RAD54L2: variants seen among roughly 807,000 people sequenced by gnomAD.
RAD54L2 encodes the protein RAD54 like 2.
RAD54L2 carries 27 observed loss-of-function variants against 138.4 expected under a neutral mutation model. The ratio of observed to expected loss-of-function variants is 0.20; its 90% CI spans 0.14 to 0.27. The LOEUF is 0.27. Ranked by LOEUF, RAD54L2 falls within the 10% of genes least tolerant of loss-of-function variation. The pLI is 1.00. For synonymous variants in RAD54L2, 644 were observed against 723.2 expected (o/e 0.89, Z 1.76); for missense variants, 1,396 against 1,890.2 (o/e 0.74, Z 4.85).
intron 15 of RAD54L2, among the ~76,000 whole-genome samples, chr3:51,642,183 G>A (rs1256083740): frequency 6.6e-6 from 1 of 152,188 alleles, no homozygotes. Flanking sequence ...TGGTGAGGAT[G>A]ATTAGCTAAG....
At position 51,630,802 on chromosome 3, in the gene RAD54L2, C is replaced by T. The variant is rs762925851; in HGVS notation, c.696C>T (p.Gly232=). The T allele has an allele frequency of 1.9e-6, 3 of 1,613,984 alleles. No homozygotes were observed. The South Asian group carries it at 3.3e-5, about 18-fold the overall frequency. ...SEDDEEEEKG[G]THVNDVLNQR... ...ATGATGAGGAAGAAGAGAAGGGTGGCACCCATGTCAATGATGTCTTAAACC... is the reference window on the plus strand; with the variant it reads ...ATGATGAGGAAGAAGAGAAGGGTGGTACCCATGTCAATGATGTCTTAAACC... Residue 232 remains glycine, a synonymous_variant, in exon 7 of 23, where the codon GGC becomes GGT. Transcript: ENST00000684192.
At chr3:51,553,496 G>C (rs938758265) in intron 2 of RAD54L2, among the ~76,000 whole-genome samples, 1 of 152,194 alleles carries the variant, frequency 6.6e-6, no homozygotes, top group Non-Finnish European at 1.5e-5. Context: ...AATAAAGCCT[G>C]TCACACACAT....
intron 3 of RAD54L2, among the ~76,000 whole-genome samples, chr3:51,615,119 T>TG (rs1700415248): frequency 6.6e-6 from 1 of 152,184 alleles, no homozygotes; most frequent in Non-Finnish European, 1.5e-5. Flanking sequence ...GTTAAAGCGA[T>TG]TCTCCTGTCT....
intron 2 of RAD54L2, among the ~76,000 whole-genome samples, chr3:51,585,211 T>A (rs1699686068): frequency 1.3e-5 from 2 of 152,206 alleles, no homozygotes; most frequent in Non-Finnish European, 2.9e-5. Flanking sequence ...TCATTTGCGC[T>A]TGCTGTGGAC....
intron 2 of RAD54L2, among the ~76,000 whole-genome samples, chr3:51,566,069 A>G (rs985854222): frequency 2.0e-5 from 3 of 148,180 alleles, no homozygotes; most frequent in Admixed American, 2.0e-4. Flanking sequence ...ACCTCGTGAT[A>G]TGCCCGCCTC....
rs1244516558 is a variant in RAD54L2, at chr3:51,548,492, T to G, written c.-55+6842T>G. ...CATGAGCCACCACGCCCAGCCAACA[T>G]TTTCATATATATATTTACTTCATCC... On this transcript the variant is annotated intron_variant, in intron 2 of 22. Coordinates refer to ENST00000684192, the MANE Select transcript of RAD54L2 (RefSeq NM_015106.4). Among the ~76,000 whole-genome samples the G allele has an allele frequency of 3.3e-5, 5 of 151,996 alleles. No individual in the cohort carries two copies. The East Asian group carries it at 9.7e-4, about 29-fold the overall frequency.
At chr3:51,644,725 A>G (rs1701230406) in intron 16 of RAD54L2, among the ~76,000 whole-genome samples, 1 of 152,228 alleles carries the variant, frequency 6.6e-6, no homozygotes, top group Non-Finnish European at 1.5e-5. Flanking sequence ...ATCTGTGTGC[A>G]GAAGTTTCCC....
At chr3:51,612,294 A>G (rs1232836711) in intron 3 of RAD54L2, among the ~76,000 whole-genome samples, 1 of 152,054 alleles carries the variant, frequency 6.6e-6, no homozygotes, top group Non-Finnish European at 1.5e-5. Flanking sequence ...GCAAAACCCC[A>G]TCTTTACTAA....
intron 2 of RAD54L2, among the ~76,000 whole-genome samples, chr3:51,549,794 A>AG (rs1553673192): frequency 3.3e-5 from 5 of 151,276 alleles, no homozygotes; most frequent in African/African-American, 9.7e-5. Flanking sequence ...AAAAAAAAAA[A>AG]AGGGGGTGGG....
intron 3 of RAD54L2, among the ~76,000 whole-genome samples, chr3:51,616,008 A>G (rs913077503): frequency 2.0e-5 from 3 of 152,068 alleles, no homozygotes; most frequent in Non-Finnish European, 2.9e-5. Context: ...TTTAAAATTG[A>G]TGCATAATAT....
At chr3:51,584,219 G>A (rs1438732246) in intron 2 of RAD54L2, among the ~76,000 whole-genome samples, 1 of 152,114 alleles carries the variant, frequency 6.6e-6, no homozygotes, top group African/African-American at 2.4e-5. Flanking sequence ...AGGCTACATT[G>A]TGCTATCTTT....
intron 3 of RAD54L2, among the ~76,000 whole-genome samples, chr3:51,608,059 C>T (rs1419222642): frequency 6.6e-6 from 1 of 151,608 alleles, no homozygotes; most frequent in Admixed American, 6.6e-5. Flanking sequence ...AGGGGCTCCT[C>T]ACTTCCCAGA....
chr3:51,615,397 G>A (rs1700422857), intron 3 of RAD54L2, among the ~76,000 whole-genome samples: 1 of 152,188 alleles, frequency 6.6e-6, no homozygotes, highest in South Asian at 2.1e-4. Context: ...GGTCCACAGA[G>A]AATATCTACG....
At chr3:51,603,178 A>C (rs1291528061) in intron 3 of RAD54L2, among the ~76,000 whole-genome samples, 1 of 150,834 alleles carries the variant, frequency 6.6e-6, no homozygotes, top group Non-Finnish European at 1.5e-5. Flanking sequence ...GCATGGTGTC[A>C]AGCACCTGTA....
rs772061425 is a variant in RAD54L2 at position 51,660,073 on chromosome 3, A to G, written c.3364A>G (p.Thr1122Ala). ...SDGRIFAVRA[T>A]GKPKVPEDGR... ...TGGACGGATCTTTGCTGTCCGGGCA[A>G]CTGGCAAACCAAAGGTTCCTGAAGA... The change falls in exon 22 of 23, where the codon ACT (threonine) becomes GCT (alanine). Residue 1122 changes from threonine to alanine, a missense_variant. Thr to Ala is a moderately conservative substitution (Grantham distance 58, BLOSUM62 0). Coordinates refer to ENST00000684192, the MANE Select transcript of RAD54L2 (RefSeq NM_015106.4). The G allele has an allele frequency of 3.1e-6, 5 of 1,600,936 alleles. No individual in the cohort carries two copies. The South Asian group carries it at 4.4e-5, about 14-fold the overall frequency.
At chr3:51,590,941 G>A (rs1427435416) in intron 3 of RAD54L2, among the ~76,000 whole-genome samples, 1 of 152,170 alleles carries the variant, frequency 6.6e-6, no homozygotes, top group African/African-American at 2.4e-5. Flanking sequence ...ACTGTGAGTG[G>A]TCTGTAAGTT....
At position 51,576,868 on chromosome 3, in the gene RAD54L2, A is replaced by G. The variant is rs375884648; in HGVS notation, c.-54-13499A>G. 3.7e-4 allele frequency among the ~76,000 whole-genome samples: 56 copies of G among 150,190 alleles called. 1 individual carries two copies. The South Asian group carries it at 0.011, about 28-fold the overall frequency. ...ATTTCCTTCAGTTCTGCTCTGATCT[A>G]TTTCCTGCCTTCTGCTAGCTTTTGA... On this transcript the variant is annotated intron_variant, in intron 2 of 22. Coordinates refer to ENST00000684192, the MANE Select transcript of RAD54L2 (RefSeq NM_015106.4).
chr3:51,637,016 C>T lies in RAD54L2; in HGVS notation c.1340-145C>T. 1.5e-6 allele frequency: 1 copy of T among 684,506 alleles called. No homozygotes were observed. Among genetic ancestry groups the T allele is most frequent in the Non-Finnish European group, 2.5e-6 (1 of 397,406 alleles). The allele number at this position is 684,506 out of a possible 1,614,324, so 42.4% of individuals were successfully genotyped here. Reference sequence around the variant, plus strand: ...CATATCCAGGAGCTTGAATGGCTGGCACCCTCTCACCAAGGGGGGCTGACT... The same window carrying T: ...CATATCCAGGAGCTTGAATGGCTGGTACCCTCTCACCAAGGGGGGCTGACT... On this transcript the variant is annotated intron_variant, in intron 10 of 22. Coordinates refer to ENST00000684192, the MANE Select transcript of RAD54L2 (RefSeq NM_015106.4). The surrounding 1 kb of genome is among the most constrained non-coding windows in gnomAD (Gnocchi z 5.9).
At chr3:51,635,853 A>G in intron 10 of RAD54L2, 64 bp downstream of exon 10, 1 of 1,439,976 alleles carries the variant, frequency 6.9e-7, no homozygotes, top group Non-Finnish European at 9.3e-7. Context: ...CATGTCTACT[A>G]ATAGCACCTA....
Sources: allele counts gnomAD v4.1 joint callset (sites outside exome capture counted in the v4.1 genomes callset), GRCh38; gene constraint gnomAD v4.1.1; non-coding constraint Gnocchi (gnomAD v3.1); transcripts MANE v1.5; gene names NCBI Gene and HGNC (gene_info 2026-07-23, HGNC 2026-07-21).